Variants in TTC31 observed in about 807,000 individuals in gnomAD.
TTC31 encodes the protein tetratricopeptide repeat protein 31.
Under a neutral mutation model 60.4 loss-of-function variants are expected in TTC31, and 59 were observed. The ratio of observed to expected loss-of-function variants is 0.98; its 90% CI spans 0.79 to 1.21. The LOEUF (loss-of-function observed/expected upper bound fraction) is 1.21, where lower values mean the gene tolerates loss of function less well. Ranked by LOEUF, TTC31 falls within the 50% of genes most tolerant of loss-of-function variation. The probability of loss-of-function intolerance (pLI) is 0.00; values close to 1 mark genes in which losing one functional copy is unlikely to be tolerated. For synonymous variants in TTC31, 225 were observed against 249.6 expected (o/e 0.90, Z 0.93); for missense variants, 672 against 646.9 (o/e 1.04, Z -0.42).
chr2:74,490,073 C>A lies in TTC31; in HGVS notation c.178C>A (p.Leu60Met). Residue 60 changes from leucine to methionine, a missense_variant, in exon 3 of 13, where the codon CTG (leucine) becomes ATG (methionine). By Grantham distance (15) the Leu-to-Met change is conservative. Transcript: ENST00000233623. ...RRLVESDPQGLHRIHVDGSSG... is the reference protein window; with the variant it reads ...RRLVESDPQGMHRIHVDGSSG... The stretch of plus-strand genomic sequence containing the variant: ...GCTTGTGGAGAGTGATCCCCAGGGC[C>A]TGCACCGGATCCATGTGGATGGGAG... 2 of 1,585,362 alleles carry A rather than the reference C, an allele frequency of 1.3e-6. No individual in the cohort carries two copies. Among genetic ancestry groups the A allele is most frequent in the South Asian group, 1.1e-5 (1 of 87,696 alleles).
At chr2:74,491,231 G>A (rs757337826) in intron 6 of TTC31, 47 bp downstream of exon 6, 3 of 1,614,140 alleles carry the variant, frequency 1.9e-6, no homozygotes, top group Non-Finnish European at 2.5e-6. Flanking sequence ...CCAGGAAGGT[G>A]AGGGCCAAGA....
chr2:74,490,634 T>C (rs1030753524), intron 4 of TTC31, 22 bp from the exon 5 acceptor site: 2 of 1,610,212 alleles, frequency 1.2e-6, no homozygotes, highest in Non-Finnish European at 1.7e-6. Context: ...TCTTTTTCTG[T>C]CACCTGCCCT....
intron 2 of TTC31, among the ~76,000 whole-genome samples, chr2:74,486,069 C>T (rs1465961901): frequency 6.6e-6 from 1 of 151,782 alleles, no homozygotes; most frequent in East Asian, 2.0e-4. Context: ...AGATGGAGAC[C>T]ATCCTGGCCA....
rs1301804702 is a variant in TTC31 at position 74,493,110 on chromosome 2, CCT to C, written c.1456_1457del (p.Ser486ProfsTer5). 6 of 1,614,046 alleles carry C rather than the reference CCT, an allele frequency of 3.7e-6. No individual in the cohort carries two copies. The African/African-American group carries it at 8.0e-5, about 22-fold the overall frequency. ...SCHRSHPNQP[L>X]SQTQSRRPHP... ...GTCACCGAAGCCACCCCAACCAGCCCCTCTCCCAGACTCAGAGTAGAAGGCCC... is the reference window on the plus strand; with the variant it reads ...GTCACCGAAGCCACCCCAACCAGCCCCTCCCAGACTCAGAGTAGAAGGCCC... On this transcript the variant is annotated frameshift_variant, in exon 13 of 13. Transcript: ENST00000233623. LOFTEE classifies it low-confidence loss of function (END_TRUNC).
chr2:74,491,999 C>A lies in TTC31; in HGVS notation c.877-5C>A, dbSNP rs1025374578. 7 of 1,614,080 alleles carry A rather than the reference C, an allele frequency of 4.3e-6. No individual in the cohort carries two copies. The highest frequency in any genetic ancestry group is 5.9e-6 in the Non-Finnish European group (7 of 1,180,032). ...GACCTGCTTGACTTTGCACCCTATC[C>A]CCAGGCATCTCCGGGACTGCTGGCA... On this transcript the variant is annotated splice_region_variant and splice_polypyrimidine_tract_variant and intron_variant, in intron 8 of 12. Coordinates refer to ENST00000233623, the MANE Select transcript of TTC31 (RefSeq NM_022492.6).
chr2:74,489,996 GCCTCCCCTCC>G lies in TTC31; in HGVS notation c.130-12_130-3del, dbSNP rs556220095. 9.6e-5 allele frequency: 140 copies of G among 1,458,560 alleles called. 1 individual carries two copies. The highest frequency in any genetic ancestry group is 3.5e-4 in the South Asian group (29 of 82,186). 90.4% of individuals were successfully genotyped at this position (1,458,560 alleles called of 1,614,324 possible). A position where few individuals can be genotyped will look rare whatever the true frequency, so the allele number is the denominator to read the frequency against. ...TCTCCAGGAACTGCCCCCAACACCA[GCCTCCCCTCC>G]CCTCCCCTCCCCTCCCAGGACATAG... is the stretch of plus-strand genomic sequence containing the variant. On this transcript the variant is annotated intron_variant, in intron 2 of 12. Coordinates refer to ENST00000233623, the MANE Select transcript of TTC31 (RefSeq NM_022492.6).
rs777242290 is a variant in TTC31 at position 74,483,094 on chromosome 2, C to A, written c.-2C>A. 1 of 1,614,208 alleles carries A rather than the reference C, an allele frequency of 6.2e-7. No individual in the cohort carries two copies. The highest frequency in any genetic ancestry group is 8.5e-7 in the Non-Finnish European group (1 of 1,180,036). On this transcript the variant is annotated 5_prime_UTR_variant, in exon 1 of 13. Transcript: ENST00000233623. ...TTTCATTTCCGGGTCACTGTAGATG[C>A]GATGGCGCCGATTCCAAAGACTGTG... is the stretch of plus-strand genomic sequence containing the variant.
intron 1 of TTC31, 25 bp downstream of exon 1, chr2:74,483,160 G>C (rs755267402): frequency 1.9e-6 from 3 of 1,614,212 alleles, no homozygotes; most frequent in East Asian, 2.2e-5. Context: ...AAGACCAGTG[G>C]GGGTCTAGGA....
At chr2:74,488,708 G>A (rs1226501644) in intron 2 of TTC31, among the ~76,000 whole-genome samples, 3 of 152,182 alleles carry the variant, frequency 2.0e-5, no homozygotes, top group Non-Finnish European at 2.9e-5. Flanking sequence ...CAGGAGGATC[G>A]CTTGAGCCTA....
intron 2 of TTC31, among the ~76,000 whole-genome samples, chr2:74,486,756 G>A (rs1181565001): frequency 6.6e-6 from 1 of 152,174 alleles, no homozygotes; most frequent in African/African-American, 2.4e-5. Context: ...AGCTGGGCAT[G>A]GTGGTGCATG....
chr2:74,491,716 G>A, intron 8 of TTC31, 44 bp downstream of exon 8: 1 of 1,598,884 alleles, frequency 6.3e-7, no homozygotes, highest in Non-Finnish European at 8.5e-7. Context: ...CCGTGGAAGG[G>A]GCACAAGGAG....
At position 74,492,523 on chromosome 2, in the gene TTC31, T is replaced by C. The variant is rs575357272; in HGVS notation, c.1161+78T>C. On this transcript the variant is annotated intron_variant, in intron 11 of 12. Transcript: ENST00000233623. ...AGAGGGTCTATGTTGACTTTCTAGA[T>C]AAGCTTCTAGTACCAAAGTGTCACA... The C allele has an allele frequency of 3.3e-6, 5 of 1,531,780 alleles. No homozygotes were observed. In the Admixed American group the frequency reaches 1.0e-4, roughly 31 times the overall value. 94.9% of individuals were successfully genotyped at this position (1,531,780 alleles called of 1,614,324 possible).
chr2:74,490,026 A>G lies in TTC31; in HGVS notation c.131A>G (p.Asp44Gly). 2.2e-6 allele frequency: 2 copies of G among 906,302 alleles called. No individual in the cohort carries two copies. Among genetic ancestry groups the G allele is most frequent in the Non-Finnish European group, 3.3e-6 (2 of 603,440 alleles). 56.1% of individuals were successfully genotyped at this position (906,302 alleles called of 1,614,324 possible). A position where few individuals can be genotyped will look rare whatever the true frequency, so the allele number is the denominator to read the frequency against. ...CCCTCCCCTCCCCTCCCCTCCCAGG[A>G]CATAGTGGATTTTCTTCGACGGCTT... ...EFGPEDYGEE[D>G]IVDFLRRLVE... Residue 44 changes from aspartate to glycine, a missense_variant and splice_region_variant, in exon 3 of 13, where the codon GAC becomes GGC. Coordinates refer to ENST00000233623, the MANE Select transcript of TTC31 (RefSeq NM_022492.6).
At chr2:74,488,239 A>T (rs1350050777) in intron 2 of TTC31, among the ~76,000 whole-genome samples, 1 of 152,212 alleles carries the variant, frequency 6.6e-6, no homozygotes, top group African/African-American at 2.4e-5. Flanking sequence ...AGTATTGGAG[A>T]TGCTGTTAAG....
In TTC31 at chr2:74,493,286, C is replaced by T. The variant is rs764779579; in HGVS notation, c.*68C>T. 41 of 1,476,446 alleles carry T rather than the reference C, an allele frequency of 2.8e-5. No homozygotes were observed. Among genetic ancestry groups the T allele is most frequent in the Middle Eastern group, 1.7e-4 (1 of 5,764 alleles). The allele number at this position is 1,476,446 out of a possible 1,614,324, so 91.5% of individuals were successfully genotyped here. A position where few individuals can be genotyped will look rare whatever the true frequency, so the allele number is the denominator to read the frequency against. On this transcript the variant is annotated 3_prime_UTR_variant, in exon 13 of 13. Transcript: ENST00000233623. ...CTTGGTGGGGGACATAGTGTGGTGA[C>T]AGTTCACTGCATATTTTGAGACCTT... is the stretch of plus-strand genomic sequence containing the variant.
At chr2:74,488,114 A>C (rs1050045076) in intron 2 of TTC31, among the ~76,000 whole-genome samples, 7 of 152,164 alleles carry the variant, frequency 4.6e-5, no homozygotes, top group African/African-American at 1.7e-4. Flanking sequence ...AGCTGGGACT[A>C]TAGGCGTCCG....
chr2:74,493,189 G>C lies in TTC31; in HGVS notation c.1531G>C (p.Gly511Arg). The C allele has an allele frequency of 3.1e-6, 5 of 1,614,142 alleles. No individual in the cohort carries two copies. Among genetic ancestry groups the C allele is most frequent in the Admixed American group, 1.7e-5 (1 of 60,028 alleles). Residue 511 changes from glycine to arginine, a missense_variant, in exon 13 of 13, where the codon GGG (glycine) becomes CGG (arginine). Physicochemically the swap from Gly to Arg is moderately radical, Grantham distance 125 (BLOSUM62 -2). Coordinates refer to ENST00000233623, the MANE Select transcript of TTC31 (RefSeq NM_022492.6). ...AAAGGGCTGGGACATCCTGGGACTT[G>C]GGCTCCAGCATCTGTCTCAGGCCAG... ...PSKGWDILGLGLQHLSQAR is the reference protein window; with the variant it reads ...PSKGWDILGLRLQHLSQAR
rs981822615 is a variant in TTC31 at position 74,490,066 on chromosome 2, C to G, written c.171C>G (p.Pro57=). Residue 57 remains proline (P), a synonymous_variant, in exon 3 of 13, where the codon CCC becomes CCG. Coordinates refer to ENST00000233623, the MANE Select transcript of TTC31 (RefSeq NM_022492.6). ...DFLRRLVESD[P]QGLHRIHVDG... is the part of the protein sequence containing the mutation. ...TTCGACGGCTTGTGGAGAGTGATCC[C>G]CAGGGCCTGCACCGGATCCATGTGG... The G allele has an allele frequency of 6.3e-7, 1 of 1,580,160 alleles. No homozygotes were observed. The highest frequency in any genetic ancestry group is 1.3e-5 in the African/African-American group (1 of 74,300).
intron 2 of TTC31, among the ~76,000 whole-genome samples, chr2:74,487,471 G>T (rs1572951671): frequency 6.6e-6 from 1 of 152,036 alleles, no homozygotes; most frequent in South Asian, 2.1e-4. Context: ...GCTTGCCTTG[G>T]CCTCCCGAAT....
Sources: allele counts gnomAD v4.1 joint callset (sites outside exome capture counted in the v4.1 genomes callset), GRCh38; gene constraint gnomAD v4.1.1; transcripts MANE v1.5; gene names NCBI Gene and HGNC (gene_info 2026-07-23, HGNC 2026-07-21).